LINGO2: variants seen among roughly 807,000 people sequenced by gnomAD.
The protein encoded by LINGO2 is leucine-rich repeat and immunoglobulin-like domain-containing nogo receptor-interacting protein 2.
LINGO2 carries 14 observed loss-of-function variants against 30.6 expected under a neutral mutation model. The ratio of observed to expected loss-of-function variants is 0.46; its 90% confidence interval spans 0.30 to 0.72. The LOEUF (loss-of-function observed/expected upper bound fraction) is 0.72, where lower values mean the gene tolerates loss of function less well. Ranked by LOEUF, LINGO2 falls within the 30% of genes least tolerant of loss-of-function variation. The pLI, the probability that LINGO2 is intolerant of heterozygous loss-of-function variation, is 0.07. For synonymous variants in LINGO2, 317 were observed against 288.5 expected (o/e 1.10, Z -1.00); for missense variants, 729 against 751.7 (o/e 0.97, Z 0.35).
chr9:28,312,925 T>C (rs1824688525), intron 3 of LINGO2, among the ~76,000 whole-genome samples: 1 of 152,182 alleles, frequency 6.6e-6, no homozygotes, highest in Non-Finnish European at 1.5e-5. Context: ...CCAAGGGTAG[T>C]TATTTATTAC....
intron 1 of LINGO2, among the ~76,000 whole-genome samples, chr9:28,501,807 A>T (rs1819899087): frequency 6.6e-6 from 1 of 152,132 alleles, no homozygotes; most frequent in Non-Finnish European, 1.5e-5. Context: ...CCATTTTTCC[A>T]TCGATTTACA....
chr9:28,429,319 T>TA (rs969739055), intron 2 of LINGO2, among the ~76,000 whole-genome samples: 1 of 152,084 alleles, frequency 6.6e-6, no homozygotes, highest in Non-Finnish European at 1.5e-5. Context: ...AATTTTAGAT[T>TA]AAAAAAATAG....
the LINGO2 span, among the ~76,000 whole-genome samples, chr9:28,908,731 T>G: frequency 6.6e-6 from 1 of 151,872 alleles, no homozygotes; most frequent in African/African-American, 2.4e-5. Flanking sequence ...TAAATTAAGT[T>G]TTTTCTGTAA....
At chr9:29,142,575 A>G in the LINGO2 span, among the ~76,000 whole-genome samples, 64,853 of 151,622 alleles carry the variant, frequency 0.43, 13,988 homozygotes, top group East Asian at 0.58. Context: ...AAATGCAATA[A>G]AGAATCTAAA....
chr9:28,195,265 T>C lies in LINGO2; in HGVS notation c.-87+99943A>G, dbSNP rs1025928179. Among the ~76,000 whole-genome samples the C allele has an allele frequency of 2.0e-5, 3 of 151,786 alleles. 1 individual carries two copies. Among genetic ancestry groups the C allele is most frequent in the Admixed American group, 1.3e-4 (2 of 15,232 alleles). ...AAATGTGATAGTTATTAATTAGACC[T>C]ACCTGAAATAGTCATGGGGATTAGG... On this transcript the variant is annotated intron_variant, in intron 4 of 5. Coordinates refer to ENST00000379992, the Ensembl canonical transcript of LINGO2.
chr9:28,109,618 C>G (rs575157819), intron 4 of LINGO2, among the ~76,000 whole-genome samples: 1 of 152,084 alleles, frequency 6.6e-6, no homozygotes, highest in South Asian at 2.1e-4. Flanking sequence ...AGCAGAGAGC[C>G]AAATCAGGAA....
the LINGO2 span, among the ~76,000 whole-genome samples, chr9:28,891,106 A>G: frequency 6.6e-6 from 1 of 152,056 alleles, no homozygotes; most frequent in Admixed American, 6.6e-5. Context: ...CAAAGATGAC[A>G]AGGAGAAACA....
At chr9:28,284,347 A>T (rs1006022337) in intron 4 of LINGO2, among the ~76,000 whole-genome samples, 1 of 152,164 alleles carries the variant, frequency 6.6e-6, no homozygotes, top group African/African-American at 2.4e-5. Flanking sequence ...TGTGATGTAG[A>T]TTCTGCACTC....
chr9:28,672,133 G>C (rs1029393150), upstream of LINGO2, among the ~76,000 whole-genome samples: 10 of 152,056 alleles, frequency 6.6e-5, no homozygotes, highest in Admixed American at 1.3e-4. Context: ...CCATTAGGGG[G>C]AAACAGACTT....
intron 5 of LINGO2, among the ~76,000 whole-genome samples, chr9:27,958,110 G>A (rs1819667165): frequency 6.6e-6 from 1 of 152,108 alleles, no homozygotes; most frequent in Non-Finnish European, 1.5e-5. Context: ...CCTTCATTAA[G>A]ATTGGGAAGT....
the LINGO2 span, among the ~76,000 whole-genome samples, chr9:28,802,849 G>A: frequency 6.6e-6 from 1 of 152,070 alleles, no homozygotes; most frequent in East Asian, 1.9e-4. Context: ...TCACTGCTAA[G>A]AAGTATAAGT....
the LINGO2 span, among the ~76,000 whole-genome samples, chr9:28,945,407 C>A: frequency 6.6e-6 from 1 of 152,102 alleles, no homozygotes; most frequent in Non-Finnish European, 1.5e-5. Context: ...GAATCAAATT[C>A]TGTACAGAGT....
At chr9:28,815,454 T>G in the LINGO2 span, among the ~76,000 whole-genome samples, 1 of 152,164 alleles carries the variant, frequency 6.6e-6, no homozygotes, top group African/African-American at 2.4e-5. Context: ...ATAAGAGCAC[T>G]ATTTTCCTAA....
At chr9:28,938,433 A>C in the LINGO2 span, among the ~76,000 whole-genome samples, 782 of 152,200 alleles carry the variant, frequency 5.1e-3, 5 homozygotes, top group African/African-American at 0.018. Context: ...TTTACTTATG[A>C]GTATTATAGT....
intron 4 of LINGO2, among the ~76,000 whole-genome samples, chr9:28,074,642 G>C (rs1417980561): frequency 6.6e-6 from 1 of 152,124 alleles, no homozygotes; most frequent in Non-Finnish European, 1.5e-5. Flanking sequence ...TCAATGGACA[G>C]ATGAAAAAAC....
intron 4 of LINGO2, among the ~76,000 whole-genome samples, chr9:28,175,385 T>C (rs1006706602): frequency 6.6e-6 from 1 of 152,102 alleles, no homozygotes; most frequent in African/African-American, 2.4e-5. Flanking sequence ...CTCTTTCTTT[T>C]TCTCCTTCCA....
At chr9:28,064,126 G>A (rs777503778) in intron 4 of LINGO2, among the ~76,000 whole-genome samples, 16 of 152,268 alleles carry the variant, frequency 1.1e-4, no homozygotes, top group Non-Finnish European at 5.9e-5. Flanking sequence ...GTGATAACAG[G>A]TCAGCCCCCG....
chr9:29,033,257 T>A, the LINGO2 span, among the ~76,000 whole-genome samples: 1 of 151,986 alleles, frequency 6.6e-6, no homozygotes. Flanking sequence ...CTTTTCTTGA[T>A]GGAGTACTGA....
the LINGO2 span, among the ~76,000 whole-genome samples, chr9:29,074,516 A>T: frequency 1.3e-5 from 2 of 152,076 alleles, no homozygotes; most frequent in Non-Finnish European, 2.9e-5. Flanking sequence ...TCTTCTCATC[A>T]ATAGTCCAGC....
Sources: gnomAD v4.1 joint callset for allele counts (sites outside exome capture counted in the v4.1 genomes callset) on GRCh38, gnomAD v4.1.1 for gene constraint, MANE v1.5 for transcripts, NCBI Gene and HGNC (gene_info 2026-07-23, HGNC 2026-07-21) for gene names.